Variants in PRKAR2A observed in about 807,000 individuals in gnomAD.
PRKAR2A encodes the protein cAMP-dependent protein kinase type II-alpha regulatory subunit.
A neutral mutation model predicts 51.9 loss-of-function variants in PRKAR2A; 29 were observed. The ratio of observed to expected loss-of-function variants is 0.56; its 90% CI spans 0.42 to 0.76. The LOEUF (loss-of-function observed/expected upper bound fraction) is 0.76. PRKAR2A is among the 30% of genes least tolerant of loss of function. PRKAR2A has a pLI of 0.00. For missense variants in PRKAR2A, 445 were observed against 512.1 expected (o/e 0.87, Z 1.26); for synonymous variants, 178 against 186.2 (o/e 0.96, Z 0.36).
chr3:48,791,875 C>T (rs1165037689), intron 3 of PRKAR2A, among the ~76,000 whole-genome samples: 3 of 118,920 alleles, frequency 2.5e-5, no homozygotes, highest in Non-Finnish European at 4.9e-5. Flanking sequence ...TGCACTCCGG[C>T]CTGGGCAACA....
intron 1 of PRKAR2A, among the ~76,000 whole-genome samples, chr3:48,813,853 T>C (rs190518043): frequency 6.6e-6 from 1 of 151,808 alleles, no homozygotes; most frequent in Admixed American, 6.6e-5. Flanking sequence ...CCAGGATGTG[T>C]TGGCTCACAC....
In PRKAR2A at chr3:48,825,580, G is replaced by C. The variant is rs138790878; in HGVS notation, c.263-17896C>G. On this transcript the variant is annotated intron_variant, in intron 1 of 10. Transcript: ENST00000265563. The stretch of plus-strand genomic sequence containing the variant: ...AATTGCTTGAACCTGGGAGGCAAAG[G>C]TTGCAGTGAGCCAAGACTGCGCCAC... Among the ~76,000 whole-genome samples the C allele has an allele frequency of 8.5e-5, 13 of 152,158 alleles. No individual in the cohort carries two copies. The East Asian group carries it at 2.5e-3, about 30-fold the overall frequency.
chr3:48,834,331 T>C (rs925383219), intron 1 of PRKAR2A, among the ~76,000 whole-genome samples: 4 of 152,164 alleles, frequency 2.6e-5, no homozygotes, highest in African/African-American at 9.6e-5. Flanking sequence ...CAGACTGTAC[T>C]TCAGGTATGT....
intron 1 of PRKAR2A, among the ~76,000 whole-genome samples, chr3:48,815,689 T>G (rs2082863285): frequency 7.3e-6 from 1 of 137,024 alleles, no homozygotes; most frequent in Admixed American, 7.7e-5. Flanking sequence ...CAAGACTCTG[T>G]CTCAGCGGAA....
intron 2 of PRKAR2A, among the ~76,000 whole-genome samples, chr3:48,801,404 CA>C (rs1026744661): frequency 6.6e-6 from 1 of 152,138 alleles, no homozygotes; most frequent in African/African-American, 2.4e-5. Flanking sequence ...CCGCACACCT[CA>C]GCCTCCCGAA....
chr3:48,842,322 A>G (rs2083394124), intron 1 of PRKAR2A, among the ~76,000 whole-genome samples: 1 of 152,182 alleles, frequency 6.6e-6, no homozygotes. Context: ...GGCTGAGACA[A>G]TGGGGTTTTC....
At chr3:48,760,407 T>C (rs1263796744) in intron 8 of PRKAR2A, among the ~76,000 whole-genome samples, 3 of 152,092 alleles carry the variant, frequency 2.0e-5, no homozygotes, top group Non-Finnish European at 2.9e-5. Context: ...TCAGGTATGG[T>C]GGCACAAGCC....
intron 8 of PRKAR2A, among the ~76,000 whole-genome samples, chr3:48,761,313 T>C (rs764300775): frequency 7.2e-5 from 11 of 151,862 alleles, no homozygotes; most frequent in Non-Finnish European, 1.5e-4. Context: ...TAAAAATAAC[T>C]CAAAATGGAT....
chr3:48,814,058 G>C (rs1161812679), intron 1 of PRKAR2A, among the ~76,000 whole-genome samples: 2 of 152,078 alleles, frequency 1.3e-5, no homozygotes. Flanking sequence ...GACCATACTG[G>C]CCAACATGGT....
intron 9 of PRKAR2A, among the ~76,000 whole-genome samples, chr3:48,754,040 G>A (rs2081712067): frequency 6.6e-6 from 1 of 150,438 alleles, no homozygotes; most frequent in Non-Finnish European, 1.5e-5. Context: ...TGGGACTACA[G>A]GTGCCCGCAA....
Position 48,847,218 on chromosome 3 carries a change from G to A in PRKAR2A, c.262+117C>T. 1.5e-6 allele frequency: 2 copies of A among 1,299,878 alleles called. No individual in the cohort carries two copies. Among genetic ancestry groups the A allele is most frequent in the East Asian group, 2.7e-5 (1 of 36,788 alleles). 80.5% of individuals were successfully genotyped at this position (1,299,878 alleles called of 1,614,324 possible). A position where few individuals can be genotyped will look rare whatever the true frequency, so the allele number is the denominator to read the frequency against. On this transcript the variant is annotated intron_variant, in intron 1 of 10. Coordinates refer to ENST00000265563, the MANE Select transcript of PRKAR2A (RefSeq NM_004157.4). The surrounding 1 kb of genome is among the most constrained non-coding windows in gnomAD (Gnocchi z 4.4). ...GAAACGCTAGAAACGCGGCTACAGA[G>A]CTCCCAATCCCAGCCTGCGGTCGGC...
At chr3:48,773,374 C>G (rs1451121110) in intron 5 of PRKAR2A, among the ~76,000 whole-genome samples, 1 of 124,518 alleles carries the variant, frequency 8.0e-6, no homozygotes, top group South Asian at 2.5e-4. Context: ...GACGGAGTCT[C>G]GCTCTGTCAC....
intron 1 of PRKAR2A, among the ~76,000 whole-genome samples, chr3:48,839,399 C>T (rs2107462054): frequency 1.4e-5 from 2 of 141,916 alleles, no homozygotes; most frequent in South Asian, 2.2e-4. Flanking sequence ...AAGCTGTTAC[C>T]TAAAAAAAAA....
At chr3:48,794,301 A>C (rs1343581341) in intron 2 of PRKAR2A, among the ~76,000 whole-genome samples, 1 of 151,326 alleles carries the variant, frequency 6.6e-6, no homozygotes, top group East Asian at 2.0e-4. Flanking sequence ...ACAGGCATGC[A>C]CCACCATGCC....
intron 1 of PRKAR2A, among the ~76,000 whole-genome samples, chr3:48,807,915 A>C (rs1238308347): frequency 6.6e-6 from 1 of 152,236 alleles, no homozygotes; most frequent in Non-Finnish European, 1.5e-5. Flanking sequence ...CAATATATTC[A>C]ACCTGGCAAT....
chr3:48,748,186 G>C lies in PRKAR2A; in HGVS notation c.*3399C>G, dbSNP rs2081589420. On this transcript the variant is annotated 3_prime_UTR_variant, in exon 11 of 11. Coordinates refer to ENST00000265563, the MANE Select transcript of PRKAR2A (RefSeq NM_004157.4). ...TTTGTCCCCCAGACTGGAGTGCAGT[G>C]GCACGATCATGGCTCACTGCAGCTT... 1 of 150,722 alleles carries C rather than the reference G, an allele frequency of 6.6e-6. No homozygotes were observed. The highest frequency in any genetic ancestry group is 6.6e-5 in the Admixed American group (1 of 15,096). 9.3% of individuals were successfully genotyped at this position (150,722 alleles called of 1,614,324 possible).
At chr3:48,768,889 A>G (rs1322076629) in intron 6 of PRKAR2A, among the ~76,000 whole-genome samples, 2 of 152,032 alleles carry the variant, frequency 1.3e-5, no homozygotes, top group African/African-American at 2.4e-5. Flanking sequence ...ACTTGAGGTC[A>G]GGAGTTCGAA....
intron 1 of PRKAR2A, among the ~76,000 whole-genome samples, chr3:48,822,726 T>G (rs1020447061): frequency 6.9e-6 from 1 of 145,782 alleles, no homozygotes; most frequent in Admixed American, 6.8e-5. Flanking sequence ...AGGATGTTGT[T>G]TTTTTTTTTT....
chr3:48,751,469 G>A lies in PRKAR2A; in HGVS notation c.*116C>T, dbSNP rs779093078. The A allele has an allele frequency of 3.5e-6, 5 of 1,439,484 alleles. No individual in the cohort carries two copies. Among genetic ancestry groups the A allele is most frequent in the Non-Finnish European group, 3.9e-6 (4 of 1,032,310 alleles). The allele number at this position is 1,439,484 out of a possible 1,614,324, so 89.2% of individuals were successfully genotyped here. On this transcript the variant is annotated 3_prime_UTR_variant, in exon 11 of 11. Coordinates refer to ENST00000265563, the MANE Select transcript of PRKAR2A (RefSeq NM_004157.4). ...TCTAAATGCCCATAACCACAGCAAT[G>A]GCAGCAGTGGCGGCAACGGCAGGAA...
Sources: allele counts gnomAD v4.1 joint callset (sites outside exome capture counted in the v4.1 genomes callset), GRCh38; gene constraint gnomAD v4.1.1; non-coding constraint Gnocchi (gnomAD v3.1); transcripts MANE v1.5; gene names NCBI Gene and HGNC (gene_info 2026-07-23, HGNC 2026-07-21).